The following MYL1 variants were observed in gnomAD, a reference collection of about 807,000 sequenced individuals.
MYL1 encodes the protein myosin light chain 1/3, skeletal muscle isoform.
MYL1 carries 16 observed loss-of-function variants against 21.8 expected under a neutral mutation model. The observed-to-expected ratio is 0.74, with a 90% CI of 0.50 to 1.12. The LOEUF (loss-of-function observed/expected upper bound fraction) is 1.12, where lower values mean the gene tolerates loss of function less well. Among genes scored for constraint, MYL1 ranks in the 50% most tolerant of loss-of-function variants. The pLI, the probability that MYL1 is intolerant of heterozygous loss-of-function variation, is 0.00. For missense variants in MYL1, 246 were observed against 241.0 expected (o/e 1.02, Z -0.14); for synonymous variants, 99 against 85.2 (o/e 1.16, Z -0.89).
intron 6 of MYL1, among the ~76,000 whole-genome samples, chr2:210,290,759 G>A (rs1249497507): frequency 1.3e-5 from 2 of 152,012 alleles, no homozygotes; most frequent in Non-Finnish European, 2.9e-5. Context: ...CTAGTCTCTG[G>A]TTTGTTGAGT....
rs143274393 is a variant in MYL1, at chr2:210,298,493, A to T, written c.231T>A (p.Asp77Glu). 6.2e-7 allele frequency: 1 copy of T among 1,614,092 alleles called. No individual in the cohort carries two copies. Among genetic ancestry groups the T allele is most frequent in the South Asian group, 1.1e-5 (1 of 91,078 alleles). The change falls in exon 3 of 7, where the codon GAT becomes GAA. Residue 77 changes from aspartate to glutamate, a missense_variant. Coordinates refer to ENST00000352451, the MANE Select transcript of MYL1 (RefSeq NM_079420.3). ...GATTTGTGCCCAGAGCTCGAAGGAC[A>T]TCACCGACCTGGCTTAAGGTGATCT... ...DSKITLSQVG[D>E]VLRALGTNPT... is the part of the protein sequence containing the mutation.
intron 1 of MYL1, among the ~76,000 whole-genome samples, chr2:210,305,237 C>T (rs1259365559): frequency 6.6e-6 from 1 of 152,086 alleles, no homozygotes; most frequent in Admixed American, 6.6e-5. Flanking sequence ...GAAAAAATAT[C>T]TCATAGAATC....
chr2:210,303,095 T>C (rs968942120), intron 1 of MYL1: 2 of 405,922 alleles, frequency 4.9e-6, no homozygotes, highest in East Asian at 8.7e-5. Flanking sequence ...AAAGTACAGA[T>C]ATACACATTA....
At chr2:210,314,810 T>C in intron 1 of MYL1, 101 bp downstream of exon 1, 8 of 1,289,202 alleles carry the variant, frequency 6.2e-6, no homozygotes, top group South Asian at 1.3e-5. Flanking sequence ...CACTAAATAA[T>C]GCTATTCCTC....
chr2:210,297,018 CATAT>C lies in MYL1; in HGVS notation c.304+1398_304+1401del, dbSNP rs35761433. On this transcript the variant is annotated intron_variant, in intron 3 of 6. Coordinates refer to ENST00000352451, the MANE Select transcript of MYL1 (RefSeq NM_079420.3). ...GTGTGTGTGTGTGTGTGTGTGTGTA[CATAT>C]ATATATATATATATACATATATATA... Among the ~76,000 whole-genome samples the C allele has an allele frequency of 1.9e-4, 26 of 134,336 alleles. 1 individual carries two copies. Among genetic ancestry groups the C allele is most frequent in the South Asian group, 1.2e-3 (5 of 4,270 alleles). The allele number at this position is 134,336 out of a possible 152,430, so 88.1% of individuals were successfully genotyped here. A position where few individuals can be genotyped will look rare whatever the true frequency, so the allele number is the denominator to read the frequency against.
intron 5 of MYL1, 72 bp from the exon 6 acceptor site, chr2:210,291,146 T>A: frequency 8.2e-7 from 1 of 1,225,826 alleles, no homozygotes; most frequent in Non-Finnish European, 1.2e-6. Flanking sequence ...AAGAGAGGTT[T>A]AATGAGTTAG....
intron 1 of MYL1, chr2:210,303,411 T>G: frequency 2.8e-6 from 2 of 706,324 alleles, no homozygotes; most frequent in Non-Finnish European, 4.3e-6. Context: ...AACCCAAAAG[T>G]AGATACTAAA....
chr2:210,303,296 A>G (rs1445795414), intron 1 of MYL1, among the ~76,000 whole-genome samples: 2 of 152,206 alleles, frequency 1.3e-5, no homozygotes, highest in Non-Finnish European at 2.9e-5. Context: ...CTTATGTGAT[A>G]CAGCAAGAGT....
At chr2:210,303,461 G>A (rs533778747) in intron 1 of MYL1, 3 of 1,363,232 alleles carry the variant, frequency 2.2e-6, no homozygotes, top group Non-Finnish European at 3.1e-6. Context: ...TTCCATTTTT[G>A]CCTATCTTTC....
intron 2 of MYL1, among the ~76,000 whole-genome samples, chr2:210,299,843 AT>A (rs372749112): frequency 6.6e-6 from 1 of 152,124 alleles, no homozygotes; most frequent in African/African-American, 2.4e-5. Flanking sequence ...AAGTGAAAGC[AT>A]TTTTTTAGGC....
In MYL1 at chr2:210,293,781, T is replaced by C. The variant is rs1411011712; in HGVS notation, c.498A>G (p.Glu166=). ...GACCTGCCATCAGGGCTTCCACTTC[T>C]TCCTCTTTCATCTTTTCACCTGATG... is the stretch of plus-strand genomic sequence containing the variant. The part of the protein sequence containing the change: ...LATLGEKMKE[E]EVEALMAGQE... The change falls in exon 5 of 7, where the codon GAA becomes GAG. Residue 166 remains glutamate (E), a synonymous_variant. Transcript: ENST00000352451. The C allele has an allele frequency of 6.2e-7, 1 of 1,614,082 alleles. No homozygotes were observed. The highest frequency in any genetic ancestry group is 1.1e-5 in the South Asian group (1 of 91,088).
chr2:210,298,712 T>G (rs1690218913), intron 2 of MYL1, 149 bp from the exon 3 acceptor site: 4 of 874,760 alleles, frequency 4.6e-6, no homozygotes, highest in Non-Finnish European at 6.8e-6. Flanking sequence ...TTTTTGTATC[T>G]CCAAATATCA....
intron 1 of MYL1, among the ~76,000 whole-genome samples, chr2:210,304,471 A>G (rs1162117544): frequency 6.6e-6 from 1 of 152,122 alleles, no homozygotes; most frequent in Non-Finnish European, 1.5e-5. Flanking sequence ...CAAACACTCT[A>G]TGGCTCAGTC....
At chr2:210,302,177 C>T (rs1335242501) in intron 2 of MYL1, among the ~76,000 whole-genome samples, 1 of 151,926 alleles carries the variant, frequency 6.6e-6, no homozygotes, top group African/African-American at 2.4e-5. Flanking sequence ...AAATCTACAT[C>T]TTTTTGGGAT....
At chr2:210,294,110 T>G in intron 4 of MYL1, 135 bp downstream of exon 4, 3 of 978,318 alleles carry the variant, frequency 3.1e-6, no homozygotes, top group Non-Finnish European at 4.4e-6. Flanking sequence ...GAAATGGTCA[T>G]TAACTTTTGA....
At chr2:210,295,970 T>C (rs1690168215) in intron 3 of MYL1, among the ~76,000 whole-genome samples, 1 of 152,316 alleles carries the variant, frequency 6.6e-6, no homozygotes, top group Admixed American at 6.5e-5. Flanking sequence ...CAGGCTGATT[T>C]TGAGTTTTCC....
At chr2:210,296,362 T>G (rs6749996) in intron 3 of MYL1, among the ~76,000 whole-genome samples, 18,232 of 152,258 alleles carry the variant, frequency 0.12, 1,325 homozygotes, top group African/African-American at 0.2. Context: ...CCTATAGTGC[T>G]TTAGAACACT....
intron 1 of MYL1, 160 bp from the exon 2 acceptor site, chr2:210,302,675 G>A (rs778778718): frequency 9.9e-6 from 15 of 1,512,102 alleles, no homozygotes; most frequent in Admixed American, 2.0e-5. Context: ...AACAGGTTAA[G>A]CCATAGTGTA....
chr2:210,302,153 A>T (rs2125741855), intron 2 of MYL1, among the ~76,000 whole-genome samples: 1 of 152,304 alleles, frequency 6.6e-6, no homozygotes, highest in Non-Finnish European at 1.5e-5. Flanking sequence ...TTATATTAGC[A>T]ATTTAGCCAT....
Sources: allele counts gnomAD v4.1 joint callset (sites outside exome capture counted in the v4.1 genomes callset), GRCh38; gene constraint gnomAD v4.1.1; transcripts MANE v1.5; gene names NCBI Gene and HGNC (gene_info 2026-07-23, HGNC 2026-07-21).